Variants in RBFOX3 observed in about 807,000 individuals in gnomAD.
The protein encoded by RBFOX3 is RNA binding fox-1 homolog 3.
In RBFOX3, 17 loss-of-function variants were observed where a neutral mutation model predicts 48.7. That is an observed-to-expected ratio of 0.35 (90% CI 0.24 to 0.52). RBFOX3 has a LOEUF of 0.52. RBFOX3 is among the 20% of genes least tolerant of loss of function. RBFOX3 has a pLI of 0.94. For synonymous variants in RBFOX3, 212 were observed against 209.5 expected, an observed-to-expected ratio of 1.01 and a Z score of -0.10; for missense variants, 382 against 497.5, an observed-to-expected ratio of 0.77 and a Z score of 2.21.
the RBFOX3 span, among the ~76,000 whole-genome samples, chr17:79,618,060 T>C: frequency 6.6e-6 from 1 of 152,214 alleles, no homozygotes; most frequent in Admixed American, 6.5e-5. Flanking sequence ...TTGCACGCCG[T>C]CCGTCTCTCC....
intron 2 of RBFOX3, among the ~76,000 whole-genome samples, chr17:79,472,165 A>G (rs2077140481): frequency 6.6e-6 from 1 of 152,210 alleles, no homozygotes; most frequent in African/African-American, 2.4e-5. Context: ...CCCAGAGAGC[A>G]GCTCCCCCAA....
intron 4 of RBFOX3, among the ~76,000 whole-genome samples, chr17:79,219,859 G>A (rs2059501136): frequency 6.6e-6 from 1 of 152,082 alleles, no homozygotes; most frequent in Admixed American, 6.5e-5. Flanking sequence ...CTGGGTTCCT[G>A]GGAGCCATCT....
chr17:79,187,389 C>CA (rs2053630308), intron 4 of RBFOX3, among the ~76,000 whole-genome samples: 2 of 152,302 alleles, frequency 1.3e-5, no homozygotes, highest in Admixed American at 6.5e-5. Flanking sequence ...GCAGCGCTCC[C>CA]AGGACAAGGA....
intron 2 of RBFOX3, among the ~76,000 whole-genome samples, chr17:79,437,076 AG>A (rs1222392239): frequency 6.6e-6 from 1 of 152,092 alleles, no homozygotes; most frequent in Non-Finnish European, 1.5e-5. Flanking sequence ...CTTCTCCAAC[AG>A]GGACCTTTGA....
chr17:79,220,469 C>T lies in RBFOX3; in HGVS notation c.-34+15297G>A, dbSNP rs568067713. 5.9e-5 allele frequency among the ~76,000 whole-genome samples: 9 copies of T among 152,238 alleles called. No homozygotes were observed. In the East Asian group the frequency reaches 9.7e-4, roughly 16 times the overall value. ...GTTGCTCAGCTCCGTGCCTGCTCTC[C>T]GCTCGCCCATCGATGGGGTCCTGCC... is the stretch of plus-strand genomic sequence containing the variant. On this transcript the variant is annotated intron_variant, in intron 4 of 14. Coordinates refer to ENST00000693108, the MANE Select transcript of RBFOX3 (RefSeq NM_001350451.2). The surrounding 1 kb of genome is among the most constrained non-coding windows in gnomAD (Gnocchi z 5.9).
intron 4 of RBFOX3, among the ~76,000 whole-genome samples, chr17:79,122,782 C>T (rs1487260173): frequency 6.6e-6 from 1 of 152,014 alleles, no homozygotes; most frequent in Non-Finnish European, 1.5e-5. Context: ...TTTACAATAG[C>T]TAAGATTTGG....
intron 2 of RBFOX3, among the ~76,000 whole-genome samples, chr17:79,382,697 C>G (rs1356942694): frequency 1.3e-5 from 2 of 152,256 alleles, no homozygotes; most frequent in African/African-American, 2.4e-5. Flanking sequence ...TCCTCGCAAA[C>G]AGCTTCTGAA....
At chr17:79,449,860 G>A (rs1163334942) in intron 2 of RBFOX3, among the ~76,000 whole-genome samples, 2 of 152,130 alleles carry the variant, frequency 1.3e-5, no homozygotes, top group Non-Finnish European at 2.9e-5. Context: ...TGGGTGGCTG[G>A]CCCCCTCCTG....
the RBFOX3 span, among the ~76,000 whole-genome samples, chr17:79,623,234 C>T: frequency 6.6e-6 from 1 of 152,200 alleles, no homozygotes; most frequent in Non-Finnish European, 1.5e-5. Context: ...CAAGGCTGAA[C>T]TTCTAGAAGC....
At chr17:79,206,861 C>T (rs1052403152) in intron 4 of RBFOX3, among the ~76,000 whole-genome samples, 14 of 152,206 alleles carry the variant, frequency 9.2e-5, no homozygotes, top group African/African-American at 3.1e-4. Context: ...TGGATTGAGT[C>T]TTGGAACCAC....
chr17:79,375,496 A>G (rs963915229), intron 2 of RBFOX3, among the ~76,000 whole-genome samples: 1 of 152,180 alleles, frequency 6.6e-6, no homozygotes, highest in Admixed American at 6.5e-5. Flanking sequence ...GGGAGGCCCC[A>G]GAAGCAGGGT....
At chr17:79,153,385 C>T (rs1347336470) in intron 4 of RBFOX3, among the ~76,000 whole-genome samples, 5 of 152,232 alleles carry the variant, frequency 3.3e-5, no homozygotes, top group Admixed American at 6.5e-5. Context: ...ATTCCCTCTA[C>T]TAGAAAATTC....
At chr17:79,295,772 G>T (rs2074240241) in intron 3 of RBFOX3, among the ~76,000 whole-genome samples, 1 of 152,142 alleles carries the variant, frequency 6.6e-6, no homozygotes, top group Admixed American at 6.5e-5. Context: ...CAGCTTGAGG[G>T]TGGGATCTAG....
rs1359929198 is a variant in RBFOX3, at chr17:79,115,731, C to T, written c.-16G>A. The T allele has an allele frequency of 5.2e-6, 4 of 771,714 alleles. No individual in the cohort carries two copies. Among genetic ancestry groups the T allele is most frequent in the Admixed American group, 2.2e-5 (1 of 46,294 alleles). 47.8% of individuals were successfully genotyped at this position (771,714 alleles called of 1,614,324 possible). On this transcript the variant is annotated 5_prime_UTR_variant, in exon 5 of 15. Coordinates refer to ENST00000693108, the MANE Select transcript of RBFOX3 (RefSeq NM_001350451.2). ...GCTGGGCCATCGCTTCAGGCGGAGC[C>T]GTGGCGTCCTGATCGCTCTGTGGAA...
chr17:79,491,135 AGGGG>A (rs2080527425), intron 1 of RBFOX3, among the ~76,000 whole-genome samples: 1 of 648 alleles, frequency 1.5e-3, no homozygotes, highest in Non-Finnish European at 3.0e-3. Flanking sequence ...AGGGGAAGGG[AGGGG>A]AGGGGAGGGG....
At chr17:79,662,352 G>T in the RBFOX3 span, among the ~76,000 whole-genome samples, 2 of 151,796 alleles carry the variant, frequency 1.3e-5, no homozygotes, top group African/African-American at 4.8e-5. Context: ...TCAATCTCCT[G>T]ACCTTGTGAT....
At chr17:79,265,609 G>A (rs1428584600) in intron 3 of RBFOX3, among the ~76,000 whole-genome samples, 2 of 152,240 alleles carry the variant, frequency 1.3e-5, no homozygotes, top group Non-Finnish European at 2.9e-5. Flanking sequence ...ACGCGGGTCT[G>A]TAATTTCCAG....
At position 79,094,548 on chromosome 17, in the gene RBFOX3, G is replaced by C; in HGVS notation, c.999-19C>G. The C allele has an allele frequency of 3.2e-6, 4 of 1,240,828 alleles. No homozygotes were observed. In the South Asian group the frequency reaches 4.9e-5, roughly 15 times the overall value. The allele number at this position is 1,240,828 out of a possible 1,614,324, so 76.9% of individuals were successfully genotyped here. A position where few individuals can be genotyped will look rare whatever the true frequency, so the allele number is the denominator to read the frequency against. The stretch of plus-strand genomic sequence containing the variant: ...GCCGTAACTAGGGAAGAGCGTGGGA[G>C]GGGGAGTGGGAGGAGGGTGGGGGAG... On this transcript the variant is annotated intron_variant, in intron 13 of 14. Coordinates refer to ENST00000693108, the MANE Select transcript of RBFOX3 (RefSeq NM_001350451.2).
At chr17:79,102,941 AG>A (rs2076714736) in intron 8 of RBFOX3, among the ~76,000 whole-genome samples, 1 of 152,276 alleles carries the variant, frequency 6.6e-6, no homozygotes, top group African/African-American at 2.4e-5. Flanking sequence ...GGGAAGAGGC[AG>A]GGGAGAGGGG....
Sources: allele counts gnomAD v4.1 joint callset (sites outside exome capture counted in the v4.1 genomes callset), GRCh38; gene constraint gnomAD v4.1.1; non-coding constraint Gnocchi (gnomAD v3.1); transcripts MANE v1.5; gene names NCBI Gene and HGNC (gene_info 2026-07-23, HGNC 2026-07-21).